The following CDIP1 variants were observed in gnomAD, a reference collection of about 807,000 sequenced individuals.
The protein encoded by CDIP1 is cell death-inducing p53-target protein 1.
Under a neutral mutation model 17.7 loss-of-function variants are expected in CDIP1, and 9 were observed. The observed-to-expected ratio is 0.51, with a 90% CI of 0.31 to 0.89. The LOEUF is 0.89. Among genes scored for constraint, CDIP1 ranks in the 40% least tolerant of loss-of-function variants. The probability of loss-of-function intolerance (pLI) is 0.05; values close to 1 mark genes in which losing one functional copy is unlikely to be tolerated. For synonymous variants in CDIP1, 117 were observed against 109.5 expected, an observed-to-expected ratio of 1.07 and a Z score of -0.43; for missense variants, 263 against 277.9, an observed-to-expected ratio of 0.95 and a Z score of 0.38.
Position 4,513,731 on chromosome 16 carries a change from G to C in CDIP1, c.206C>G (p.Pro69Arg). 6.2e-7 allele frequency: 1 copy of C among 1,613,792 alleles called. No homozygotes were observed. Among genetic ancestry groups the C allele is most frequent in the Non-Finnish European group, 8.5e-7 (1 of 1,179,834 alleles). The change falls in exon 4 of 6, where the codon CCA becomes CGA. Residue 69 changes from proline (P) to arginine (R), a missense_variant. Pro to Arg is a moderately radical substitution (Grantham distance 103). Transcript: ENST00000567695. The surrounding 1 kb of genome is among the most constrained non-coding windows in gnomAD (Gnocchi z 4.1). ...GTAGGTGCCATCTGCACTCATGTGTGGTGGGATGAAGCCAGGCTGGGGCAT... is the reference window on the plus strand; with the variant it reads ...GTAGGTGCCATCTGCACTCATGTGTCGTGGGATGAAGCCAGGCTGGGGCAT... ...HPMPQPGFIPPHMSADGTYMP... is the reference protein window; with the variant it reads ...HPMPQPGFIPRHMSADGTYMP...
chr16:4,538,531 G>A (rs1316557389), intron 1 of CDIP1, 171 bp downstream of exon 1: 3 of 151,946 alleles, frequency 2.0e-5, no homozygotes, highest in Admixed American at 6.6e-5. Context: ...CTGAGAGGCT[G>A]GGGACTACGG....
intron 1 of CDIP1, among the ~76,000 whole-genome samples, chr16:4,516,681 C>T (rs890202569): frequency 6.7e-6 from 1 of 148,254 alleles, no homozygotes; most frequent in African/African-American, 2.5e-5. Flanking sequence ...TAGTTGCTGT[C>T]CTGACAGTTT....
chr16:4,532,118 A>T (rs915753643), intron 1 of CDIP1: 12 of 152,290 alleles, frequency 7.9e-5, no homozygotes, highest in Non-Finnish European at 2.9e-5. Flanking sequence ...AATTCAACAC[A>T]GCATGCAAAT....
Position 4,514,295 on chromosome 16 carries a change from C to T in CDIP1, c.-14-151G>A, listed in dbSNP as rs2058866639. On this transcript the variant is annotated intron_variant, in intron 2 of 5. Transcript: ENST00000567695. The surrounding 1 kb of genome is among the most constrained non-coding windows in gnomAD (Gnocchi z 5.2). ...GGCACTGGGGATCCCCCACCTTTCC[C>T]AGGGCCACCTAGCCCAGAGCCACCA... is the stretch of plus-strand genomic sequence containing the variant. The T allele has an allele frequency of 1.8e-6, 1 of 559,400 alleles. No individual in the cohort carries two copies. Among genetic ancestry groups the T allele is most frequent in the Non-Finnish European group, 3.2e-6 (1 of 315,602 alleles). The allele number at this position is 559,400 out of a possible 1,614,324, so 34.7% of individuals were successfully genotyped here.
At chr16:4,524,428 A>C (rs1411943155) in intron 1 of CDIP1, 1 of 152,264 alleles carries the variant, frequency 6.6e-6, no homozygotes. Flanking sequence ...ACAGAACTCC[A>C]CTTTCACTCA....
At chr16:4,518,491 T>C (rs1214577462) in intron 1 of CDIP1, among the ~76,000 whole-genome samples, 4 of 152,194 alleles carry the variant, frequency 2.6e-5, no homozygotes, top group African/African-American at 9.7e-5. Context: ...CGCAGGGCCC[T>C]GTTGCTCCTC....
chr16:4,534,120 T>G lies in CDIP1; in HGVS notation c.-105+4582A>C, dbSNP rs1426707081. ...CACCTGCCCCCACACCTGGTTAATT[T>G]TTGTATTTTTAGTAGAGGCGGGGTT... On this transcript the variant is annotated intron_variant, in intron 1 of 5. Transcript: ENST00000567695. Among the ~76,000 whole-genome samples, 14 of 151,956 alleles carry G rather than the reference T, an allele frequency of 9.2e-5. 1 individual carries two copies. The highest frequency in any genetic ancestry group is 5.9e-5 in the Non-Finnish European group (4 of 68,012).
intron 1 of CDIP1, among the ~76,000 whole-genome samples, chr16:4,535,220 C>A (rs893156496): frequency 2.0e-5 from 3 of 152,264 alleles, no homozygotes; most frequent in Admixed American, 6.5e-5. Flanking sequence ...ATTGATTGAA[C>A]AATTACATCT....
chr16:4,515,865 C>G (rs1294317319), intron 1 of CDIP1, among the ~76,000 whole-genome samples: 1 of 152,164 alleles, frequency 6.6e-6, no homozygotes, highest in Non-Finnish European at 1.5e-5. Context: ...GAGGAACAGT[C>G]TGGCAGTTCC....
At chr16:4,533,363 T>G (rs2059074640) in intron 1 of CDIP1, 1 of 152,254 alleles carries the variant, frequency 6.6e-6, no homozygotes, top group Non-Finnish European at 1.5e-5. Context: ...TGGGGCCAGT[T>G]TCTCCAGGGC....
At chr16:4,525,171 A>C (rs2058987325) in intron 1 of CDIP1, among the ~76,000 whole-genome samples, 1 of 152,156 alleles carries the variant, frequency 6.6e-6, no homozygotes, top group Non-Finnish European at 1.5e-5. Flanking sequence ...CAAGTGATCC[A>C]TGATCAAAAG....
At chr16:4,524,403 C>T (rs1475598640) in intron 1 of CDIP1, 1 of 152,314 alleles carries the variant, frequency 6.6e-6, no homozygotes, top group Non-Finnish European at 1.5e-5. Flanking sequence ...TCCACTCTCT[C>T]CCCCATTCTT....
At chr16:4,518,558 A>T (rs2058912082) in intron 1 of CDIP1, among the ~76,000 whole-genome samples, 1 of 152,190 alleles carries the variant, frequency 6.6e-6, no homozygotes, top group Admixed American at 6.5e-5. Context: ...TCACCCCTCC[A>T]TATCCACATG....
At chr16:4,529,815 G>A (rs752447017) in intron 1 of CDIP1, among the ~76,000 whole-genome samples, 14 of 152,240 alleles carry the variant, frequency 9.2e-5, no homozygotes, top group East Asian at 1.9e-4. Context: ...GCACCAGGCC[G>A]TTAAGTGCAG....
intron 1 of CDIP1, among the ~76,000 whole-genome samples, chr16:4,535,732 G>A (rs2059100076): frequency 6.6e-6 from 1 of 152,250 alleles, no homozygotes; most frequent in African/African-American, 2.4e-5. Context: ...TCAGGCCCAC[G>A]GGTTCAGGAG....
rs931012867 is a variant in CDIP1 at position 4,512,883 on chromosome 16, C to T, written c.423G>A (p.Val141=). Residue 141 remains valine, a synonymous_variant, in exon 5 of 6, where the codon GTG becomes GTA. Coordinates refer to ENST00000567695, the MANE Select transcript of CDIP1 (RefSeq NM_013399.3). The surrounding 1 kb of genome is among the most constrained non-coding windows in gnomAD (Gnocchi z 4.6). ...EIFEGAPVQT[V]CPHCQQAITT... is the part of the protein sequence containing the mutation. ...TGATGGCCTGCTGGCAGTGGGGACA[C>T]ACCGTCTGCACAGGCGCTCCCTCAA... is the stretch of plus-strand genomic sequence containing the variant. 1 of 1,565,528 alleles carries T rather than the reference C, an allele frequency of 6.4e-7. No individual in the cohort carries two copies.
At chr16:4,525,189 G>C (rs1161000683) in intron 1 of CDIP1, among the ~76,000 whole-genome samples, 1 of 152,144 alleles carries the variant, frequency 6.6e-6, no homozygotes, top group African/African-American at 2.4e-5. Flanking sequence ...AAGGATCATG[G>C]CTTTCTTTAG....
rs774531098 is a variant in CDIP1 at position 4,512,996 on chromosome 16, G to A, written c.310C>T (p.Pro104Ser). 1.9e-6 allele frequency: 3 copies of A among 1,590,168 alleles called. No individual in the cohort carries two copies. Among genetic ancestry groups the A allele is most frequent in the South Asian group, 1.1e-5 (1 of 87,368 alleles). ...YYPPGPYTPG[P>S]YPGPGGHTAT... ...GTGTGGCCCCCAGGGCCAGGGTAGG[G>A]CCCTGGCGTGTAGGGCCCTGGGGGG... is the stretch of plus-strand genomic sequence containing the variant. Residue 104 changes from proline (P) to serine (S), a missense_variant, in exon 5 of 6, where the codon CCC (proline) becomes TCC (serine). Physicochemically the swap from Pro to Ser is moderately conservative, Grantham distance 74 (BLOSUM62 -1). Transcript: ENST00000567695. The surrounding 1 kb of genome is among the most constrained non-coding windows in gnomAD (Gnocchi z 4.6).
chr16:4,525,630 T>G (rs1463275449), intron 1 of CDIP1, among the ~76,000 whole-genome samples: 1 of 152,174 alleles, frequency 6.6e-6, no homozygotes, highest in Non-Finnish European at 1.5e-5. Flanking sequence ...GGATTCCCTG[T>G]GGCCTTTCGC....
Sources: allele counts gnomAD v4.1 joint callset (sites outside exome capture counted in the v4.1 genomes callset), GRCh38; gene constraint gnomAD v4.1.1; non-coding constraint Gnocchi (gnomAD v3.1); transcripts MANE v1.5; gene names NCBI Gene and HGNC (gene_info 2026-07-23, HGNC 2026-07-21).